BRWD1: variants seen among roughly 807,000 people sequenced by gnomAD.
BRWD1 encodes the protein bromodomain and WD repeat domain containing 1, also known as bromodomain and WD repeat-containing protein 1.
A neutral mutation model predicts 251.2 loss-of-function variants in BRWD1; 82 were observed. The observed-to-expected ratio is 0.33, with a 90% CI of 0.27 to 0.39. The LOEUF (loss-of-function observed/expected upper bound fraction) is 0.39, where lower values mean the gene tolerates loss of function less well. BRWD1 is among the 10% of genes least tolerant of loss of function. The pLI is 1.00. For missense variants in BRWD1, 2,233 were observed against 2,711.6 expected (o/e 0.82, Z 3.92); for synonymous variants, 918 against 902.8 (o/e 1.02, Z -0.30).
At position 39,210,898 on chromosome 21, in the gene BRWD1, G is replaced by A. The variant is rs533201969; in HGVS notation, c.3932C>T (p.Thr1311Met). The A allele has an allele frequency of 5.6e-6, 9 of 1,611,052 alleles. No individual in the cohort carries two copies. Among genetic ancestry groups the A allele is most frequent in the African/African-American group, 5.3e-5 (4 of 74,842 alleles). ...CTTCCAGTTGCTTTCAACATAGTTC[G>A]TAGCTCTGATGCTTTTTTTCCCATC... ...VHDGKKSIRA[T>M]NYVESNWKKQ... The change falls in exon 35 of 41, where the codon ACG becomes ATG. Residue 1311 changes from threonine to methionine, a missense_variant. Transcript: ENST00000342449.
chr21:39,193,984 G>T lies in BRWD1; in HGVS notation c.*2275C>A. The stretch of plus-strand genomic sequence containing the variant: ...CTCTCAGTTTTATTTCATAACTTGA[G>T]AAGCTACCATTGTCGGCTATGCTTT... On this transcript the variant is annotated 3_prime_UTR_variant, in exon 41 of 41. Transcript: ENST00000342449. 6.1e-6 allele frequency: 6 copies of T among 985,518 alleles called. No homozygotes were observed. The highest frequency in any genetic ancestry group is 6.0e-6 in the Non-Finnish European group (5 of 829,726). The allele number at this position is 985,518 out of a possible 1,614,324, so 61.0% of individuals were successfully genotyped here.
chr21:39,207,015 ATG>A (rs2146484111), intron 36 of BRWD1, among the ~76,000 whole-genome samples: 1 of 152,390 alleles, frequency 6.6e-6, no homozygotes, highest in East Asian at 1.9e-4. Flanking sequence ...TTTAAAAAGT[ATG>A]TGAGATATAC....
At chr21:39,316,825 C>A (rs901478559), upstream of BRWD1, among the ~76,000 whole-genome samples, 14 of 151,664 alleles carry the variant, frequency 9.2e-5, no homozygotes, top group African/African-American at 3.2e-4. Context: ...GTAGCCCCAG[C>A]TACTTAAGAG....
chr21:39,190,561 G>A lies in BRWD1; in HGVS notation c.*5698C>T, dbSNP rs2031498918. 1 of 985,204 alleles carries A rather than the reference G, an allele frequency of 1.0e-6. No individual in the cohort carries two copies. The allele number at this position is 985,204 out of a possible 1,614,324, so 61.0% of individuals were successfully genotyped here. A position where few individuals can be genotyped will look rare whatever the true frequency, so the allele number is the denominator to read the frequency against. ...GCTCCCTCAAGCAAGCCTTTTATCAGAAAAGACTTGAGATATTCTCTCCTC... is the reference window on the plus strand; with the variant it reads ...GCTCCCTCAAGCAAGCCTTTTATCAAAAAAGACTTGAGATATTCTCTCCTC... On this transcript the variant is annotated 3_prime_UTR_variant, in exon 41 of 41. Coordinates refer to ENST00000342449, the MANE Select transcript of BRWD1 (RefSeq NM_033656.4).
intron 8 of BRWD1, among the ~76,000 whole-genome samples, chr21:39,292,122 TGGGTGGGG>T (rs2035828732): frequency 4.6e-4 from 1 of 2,184 alleles, no homozygotes; most frequent in African/African-American, 1.7e-3. Flanking sequence ...TTGTGGGGGG[TGGGTGGGG>T]GTGGGGGGGG....
At chr21:39,268,283 A>T (rs2034989921) in intron 15 of BRWD1, among the ~76,000 whole-genome samples, 2 of 152,092 alleles carry the variant, frequency 1.3e-5, no homozygotes, top group African/African-American at 4.8e-5. Context: ...TACTAAAAAT[A>T]CAAAAAATTA....
At position 39,258,991 on chromosome 21, in the gene BRWD1, T is replaced by A. The variant is rs192774824; in HGVS notation, c.1886-319A>T. ...CACTAATGCCCCTCACCATACTCGA[T>A]ATATTTCACTAAAATCTTATTCCCC... On this transcript the variant is annotated intron_variant, in intron 17 of 40. Coordinates refer to ENST00000342449, the MANE Select transcript of BRWD1 (RefSeq NM_033656.4). Among the ~76,000 whole-genome samples, 10 of 152,322 alleles carry A rather than the reference T, an allele frequency of 6.6e-5. No individual in the cohort carries two copies. The East Asian group carries it at 1.3e-3, about 21-fold the overall frequency.
chr21:39,188,643 G>A lies in BRWD1; in HGVS notation c.*7616C>T, dbSNP rs2031380762. Reference sequence around the variant, plus strand: ...GACATGTTCATACAGCTAGACTAATGAGGCAGGCCTCTGCCCTCACAGTGC... The same window carrying A: ...GACATGTTCATACAGCTAGACTAATAAGGCAGGCCTCTGCCCTCACAGTGC... On this transcript the variant is annotated 3_prime_UTR_variant, in exon 41 of 41. Transcript: ENST00000342449. 22 of 985,260 alleles carry A rather than the reference G, an allele frequency of 2.2e-5. No individual in the cohort carries two copies. The highest frequency in any genetic ancestry group is 4.7e-5 in the South Asian group (1 of 21,288). The allele number at this position is 985,260 out of a possible 1,614,324, so 61.0% of individuals were successfully genotyped here.
Position 39,268,668 on chromosome 21 carries a change from G to A in BRWD1, c.1530+1231C>T, listed in dbSNP as rs537928411. 3.3e-5 allele frequency among the ~76,000 whole-genome samples: 5 copies of A among 152,184 alleles called. No individual in the cohort carries two copies. The South Asian group carries it at 1.0e-3, about 32-fold the overall frequency. On this transcript the variant is annotated intron_variant, in intron 15 of 40. Coordinates refer to ENST00000342449, the MANE Select transcript of BRWD1 (RefSeq NM_033656.4). The stretch of plus-strand genomic sequence containing the variant: ...GCCAAGAAAGAGGAAAAAGAAAAAA[G>A]GCTGAGAGGGGCTGGTGACAATTAA...
chr21:39,224,956 C>T (rs1200033180), intron 28 of BRWD1, 130 bp downstream of exon 28: 2 of 669,192 alleles, frequency 3.0e-6, no homozygotes, highest in South Asian at 1.8e-5. Flanking sequence ...AGAGACATTT[C>T]GGGTCAGCCT....
At chr21:39,203,438 C>CTTTTTTTTTTTTTTTTTTTTTTTTT (rs71330353) in intron 37 of BRWD1, among the ~76,000 whole-genome samples, 1 of 67,710 alleles carries the variant, frequency 1.5e-5, no homozygotes, top group African/African-American at 5.2e-5. Flanking sequence ...GACCCTGGTT[C>CTTTTTTTTTTTTTTTTTTTTTTTTT]TTTTTTTTTT....
chr21:39,221,408 CAT>C (rs1344229250), intron 29 of BRWD1, among the ~76,000 whole-genome samples: 14 of 151,854 alleles, frequency 9.2e-5, no homozygotes, highest in Non-Finnish European at 1.6e-4. Context: ...ATTTTCCAAA[CAT>C]AAAACTAAAA....
intron 21 of BRWD1, among the ~76,000 whole-genome samples, chr21:39,242,052 T>C (rs2034022815): frequency 6.6e-6 from 1 of 152,190 alleles, no homozygotes; most frequent in Non-Finnish European, 1.5e-5. Context: ...CTTCTAAGTA[T>C]TCAAAAATGA....
chr21:39,274,246 C>A, intron 13 of BRWD1, 128 bp downstream of exon 13: 1 of 698,030 alleles, frequency 1.4e-6, no homozygotes, highest in South Asian at 1.7e-5. Context: ...CACAGCTCTT[C>A]GTAATAGAAG....
chr21:39,247,358 T>G (rs924278454), intron 21 of BRWD1, among the ~76,000 whole-genome samples: 1 of 152,204 alleles, frequency 6.6e-6, no homozygotes, highest in Non-Finnish European at 1.5e-5. Flanking sequence ...TTTGGAAAAT[T>G]TGCATTTGCA....
intron 27 of BRWD1, among the ~76,000 whole-genome samples, chr21:39,228,184 A>T (rs975935668): frequency 1.3e-5 from 2 of 152,148 alleles, no homozygotes; most frequent in Non-Finnish European, 2.9e-5. Context: ...GCTACTCAGG[A>T]GGCTGAGGCA....
intron 1 of BRWD1, among the ~76,000 whole-genome samples, chr21:39,319,094 G>A (rs531025260): frequency 6.6e-6 from 1 of 152,264 alleles, no homozygotes; most frequent in East Asian, 1.9e-4. Flanking sequence ...TAAAAATGAA[G>A]AAGGTATCTG....
At chr21:39,217,067 ATATATATATATATATAT>A (rs2032964069) in intron 31 of BRWD1, 2 of 8,138 alleles carry the variant, frequency 2.5e-4, no homozygotes, top group Non-Finnish European at 4.7e-4. Flanking sequence ...ATATATATAT[ATATATATATATATATAT>A]TTTTTTTTTT....
chr21:39,203,508 G>A (rs1458442974), intron 37 of BRWD1, among the ~76,000 whole-genome samples: 11 of 125,292 alleles, frequency 8.8e-5, no homozygotes, highest in African/African-American at 2.1e-4. Context: ...CCGAGTTCAC[G>A]CCATTCTCCT....
Sources: allele counts gnomAD v4.1 joint callset (sites outside exome capture counted in the v4.1 genomes callset), GRCh38; gene constraint gnomAD v4.1.1; transcripts MANE v1.5; gene names NCBI Gene and HGNC (gene_info 2026-07-23, HGNC 2026-07-21).